The following CACNB2 variants were observed in gnomAD, a reference collection of about 807,000 sequenced individuals.
The protein encoded by CACNB2 is calcium voltage-gated channel auxiliary subunit beta 2.
Under a neutral mutation model 73.3 loss-of-function variants are expected in CACNB2, and 42 were observed. The ratio of observed to expected loss-of-function variants is 0.57; its 90% CI spans 0.45 to 0.74. The LOEUF (loss-of-function observed/expected upper bound fraction) is 0.74. Ranked by LOEUF, CACNB2 falls within the 30% of genes least tolerant of loss-of-function variation. CACNB2 has a pLI of 0.00. For missense variants in CACNB2, 940 were observed against 853.0 expected (o/e 1.10, Z -1.27); for synonymous variants, 348 against 310.3 (o/e 1.12, Z -1.28).
chr10:18,368,584 C>G (rs1196134127), intron 2 of CACNB2, among the ~76,000 whole-genome samples: 1 of 152,180 alleles, frequency 6.6e-6, no homozygotes, highest in East Asian at 1.9e-4. Flanking sequence ...ATGGTGTTAA[C>G]ATTTTAGGGA....
chr10:18,286,822 A>G (rs2038825007), intron 2 of CACNB2, among the ~76,000 whole-genome samples: 1 of 152,186 alleles, frequency 6.6e-6, no homozygotes, highest in Non-Finnish European at 1.5e-5. Context: ...ACCAGTATTC[A>G]TATTTTAAAG....
chr10:18,398,711 AC>A (rs2043838988), intron 2 of CACNB2, among the ~76,000 whole-genome samples: 49 of 144,272 alleles, frequency 3.4e-4, no homozygotes, highest in East Asian at 6.0e-4. Context: ...ACACACACAC[AC>A]ACAATTGTTT....
At chr10:18,240,422 A>C (rs1275993228) in intron 2 of CACNB2, among the ~76,000 whole-genome samples, 1 of 152,194 alleles carries the variant, frequency 6.6e-6, no homozygotes, top group African/African-American at 2.4e-5. Flanking sequence ...AGTCTGGCTC[A>C]ACTGTACAGT....
intron 7 of CACNB2, among the ~76,000 whole-genome samples, chr10:18,517,734 A>C (rs1308334904): frequency 6.6e-6 from 1 of 152,216 alleles, no homozygotes; most frequent in African/African-American, 2.4e-5. Flanking sequence ...ACTGTTTACT[A>C]AAATAAGCAT....
chr10:18,210,203 T>C (rs962590004), intron 2 of CACNB2, among the ~76,000 whole-genome samples: 1 of 152,204 alleles, frequency 6.6e-6, no homozygotes, highest in Non-Finnish European at 1.5e-5. Context: ...TTAGATTGCA[T>C]GAAAATACAT....
intron 2 of CACNB2, among the ~76,000 whole-genome samples, chr10:18,245,630 C>T (rs1046719413): frequency 6.6e-6 from 1 of 152,094 alleles, no homozygotes; most frequent in African/African-American, 2.4e-5. Context: ...CACACCTGGT[C>T]TCCTCCTGTT....
intron 2 of CACNB2, among the ~76,000 whole-genome samples, chr10:18,168,868 C>T (rs1248209740): frequency 6.6e-6 from 1 of 152,174 alleles, no homozygotes; most frequent in Admixed American, 6.5e-5. Flanking sequence ...TTGACATAGG[C>T]CAATGATGTT....
chr10:18,335,328 G>A (rs570077158), intron 2 of CACNB2, among the ~76,000 whole-genome samples: 5 of 152,154 alleles, frequency 3.3e-5, no homozygotes, highest in East Asian at 3.9e-4. Context: ...TAATCCCAGC[G>A]CTTTGGGACG....
At chr10:18,176,030 A>G (rs17605291) in intron 2 of CACNB2, among the ~76,000 whole-genome samples, 9,194 of 152,324 alleles carry the variant, frequency 0.06, 376 homozygotes, top group Middle Eastern at 0.13. Context: ...AGACACCTAC[A>G]GCATGTTGTA....
intron 3 of CACNB2, among the ~76,000 whole-genome samples, chr10:18,434,897 G>A (rs182387218): frequency 3.3e-5 from 5 of 152,296 alleles, no homozygotes; most frequent in Admixed American, 1.3e-4. Flanking sequence ...CATCATGAGA[G>A]AACGAGAATA....
intron 2 of CACNB2, among the ~76,000 whole-genome samples, chr10:18,283,143 T>G (rs2038626735): frequency 6.6e-6 from 1 of 152,182 alleles, no homozygotes; most frequent in Non-Finnish European, 1.5e-5. Flanking sequence ...ACCAGTTAGA[T>G]GGCAATCATT....
chr10:18,519,188 G>T (rs1350404599), intron 9 of CACNB2, among the ~76,000 whole-genome samples: 3 of 152,104 alleles, frequency 2.0e-5, no homozygotes, highest in African/African-American at 7.2e-5. Flanking sequence ...ACATCCATAA[G>T]CTGACCTTGG....
intron 2 of CACNB2, chr10:18,341,041 A>G (rs2041214443): frequency 1.3e-5 from 20 of 1,528,540 alleles, no homozygotes; most frequent in East Asian, 2.2e-5. Flanking sequence ...AGGAATGCAT[A>G]GAACTGTTGC....
intron 3 of CACNB2, among the ~76,000 whole-genome samples, chr10:18,435,603 A>C (rs925670725): frequency 2.0e-5 from 3 of 151,968 alleles, no homozygotes. Context: ...GGCTCAAGCG[A>C]TCCTCCCTCC....
At chr10:18,320,628 C>T (rs2131952035) in intron 2 of CACNB2, among the ~76,000 whole-genome samples, 1 of 152,282 alleles carries the variant, frequency 6.6e-6, no homozygotes, top group African/African-American at 2.4e-5. Flanking sequence ...ACTTAACTTC[C>T]CATGCCATTG....
At chr10:18,325,397 G>A (rs955327449) in intron 2 of CACNB2, among the ~76,000 whole-genome samples, 35 of 151,504 alleles carry the variant, frequency 2.3e-4, no homozygotes, top group Admixed American at 2.1e-3. Context: ...GTCTTGCTAC[G>A]TTGCCAAGGC....
At chr10:18,444,391 A>C (rs2046632027) in intron 3 of CACNB2, among the ~76,000 whole-genome samples, 1 of 152,176 alleles carries the variant, frequency 6.6e-6, no homozygotes, top group African/African-American at 2.4e-5. Context: ...TCAGCAAGTT[A>C]CTGAATTGAT....
intron 2 of CACNB2, among the ~76,000 whole-genome samples, chr10:18,268,520 C>G (rs147825130): frequency 6.6e-6 from 1 of 152,088 alleles, no homozygotes; most frequent in Non-Finnish European, 1.5e-5. Context: ...AAAATTAAGA[C>G]GTAGAGCAAT....
At position 18,353,266 on chromosome 10, in the gene CACNB2, C is replaced by T. The variant is rs529423732; in HGVS notation, c.214-48658C>T. 3.9e-5 allele frequency among the ~76,000 whole-genome samples: 6 copies of T among 152,088 alleles called. No homozygotes were observed. In the South Asian group the frequency reaches 6.2e-4, roughly 16 times the overall value. Reference sequence around the variant, plus strand: ...ATCTACTAAAAATACAAAAATTAGCCGGGCACAGTGGTGGGCACCTGTAAT... The same window carrying T: ...ATCTACTAAAAATACAAAAATTAGCTGGGCACAGTGGTGGGCACCTGTAAT... On this transcript the variant is annotated intron_variant, in intron 2 of 13. Coordinates refer to ENST00000324631, the MANE Select transcript of CACNB2 (RefSeq NM_201596.3).
Sources: allele counts gnomAD v4.1 joint callset (sites outside exome capture counted in the v4.1 genomes callset), GRCh38; gene constraint gnomAD v4.1.1; transcripts MANE v1.5; gene names NCBI Gene and HGNC (gene_info 2026-07-23, HGNC 2026-07-21).